Variants in CEP128 observed in about 807,000 individuals in gnomAD.
The protein encoded by CEP128 is centrosomal protein 128.
CEP128 carries 132 observed loss-of-function variants against 156.7 expected under a neutral mutation model. That is an observed-to-expected ratio of 0.84 (90% confidence interval 0.73 to 0.97). The LOEUF (loss-of-function observed/expected upper bound fraction) is 0.97, where lower values mean the gene tolerates loss of function less well. CEP128 is among the 50% of genes least tolerant of loss of function. CEP128 has a pLI of 0.00. For synonymous variants in CEP128, 469 were observed against 448.9 expected (o/e 1.04, Z -0.57); for missense variants, 1,252 against 1,281.9 (o/e 0.98, Z 0.36).
At position 80,801,047 on chromosome 14, in the gene CEP128, G is replaced by A. The variant is rs116996359; in HGVS notation, c.1210-7937C>T. On this transcript the variant is annotated intron_variant, in intron 13 of 24. Coordinates refer to ENST00000555265, the MANE Select transcript of CEP128 (RefSeq NM_152446.5). Reference sequence around the variant, plus strand: ...ATATGGGCAACAGATTTCACCACTGGTGGCTGATTATGACAAGTAATAGCT... The same window carrying A: ...ATATGGGCAACAGATTTCACCACTGATGGCTGATTATGACAAGTAATAGCT... 5.9e-5 allele frequency among the ~76,000 whole-genome samples: 9 copies of A among 152,266 alleles called. No individual in the cohort carries two copies. In the South Asian group the frequency reaches 1.9e-3, roughly 32 times the overall value.
intron 13 of CEP128, among the ~76,000 whole-genome samples, chr14:80,818,949 G>A (rs1047597607): frequency 2.0e-5 from 3 of 152,154 alleles, no homozygotes; most frequent in African/African-American, 7.2e-5. Flanking sequence ...GAATGGAAGA[G>A]CCCCAGGCCT....
At chr14:80,741,271 A>G (rs1033393776) in intron 19 of CEP128, among the ~76,000 whole-genome samples, 1 of 152,180 alleles carries the variant, frequency 6.6e-6, no homozygotes, top group Admixed American at 6.5e-5. Flanking sequence ...AATTCTTTGC[A>G]ATTTCCACAT....
rs1566729623 is a variant in CEP128, at chr14:80,941,708, C to T, written c.-299G>A. 1 of 152,888 alleles carries T rather than the reference C, an allele frequency of 6.5e-6. No homozygotes were observed. Among genetic ancestry groups the T allele is most frequent in the Admixed American group, 6.5e-5 (1 of 15,286 alleles). The allele number at this position is 152,888 out of a possible 1,614,324, so 9.5% of individuals were successfully genotyped here. ...GCAGCGACTCAACCGACTGTGCTCTCCCCAGACTCGCAGCTATGGCAACTT... is the reference window on the plus strand; with the variant it reads ...GCAGCGACTCAACCGACTGTGCTCTTCCCAGACTCGCAGCTATGGCAACTT... On this transcript the variant is annotated 5_prime_UTR_variant, in exon 1 of 25. Transcript: ENST00000555265.
chr14:80,612,076 T>C (rs1001652357), intron 19 of CEP128, among the ~76,000 whole-genome samples: 12 of 151,752 alleles, frequency 7.9e-5, no homozygotes, highest in South Asian at 2.1e-4. Context: ...AAAAAATAAA[T>C]AAATAAAAAC....
chr14:80,517,566 T>C (rs559930615), intron 23 of CEP128, among the ~76,000 whole-genome samples: 9 of 152,378 alleles, frequency 5.9e-5, no homozygotes, highest in Admixed American at 5.9e-4. Flanking sequence ...TCTAATTTCA[T>C]TCTGTTGTGG....
At chr14:80,869,645 C>T (rs545870307) in intron 8 of CEP128, among the ~76,000 whole-genome samples, 1 of 151,972 alleles carries the variant, frequency 6.6e-6, no homozygotes, top group East Asian at 1.9e-4. Context: ...TAGAAAAGAT[C>T]CATGAAACTA....
chr14:80,832,988 G>C (rs1281058510), intron 12 of CEP128, among the ~76,000 whole-genome samples: 1 of 152,100 alleles, frequency 6.6e-6, no homozygotes, highest in Non-Finnish European at 1.5e-5. Context: ...AAGTAGCCTA[G>C]ACATTGCATA....
rs545523321 is a variant in CEP128 at position 80,798,015 on chromosome 14, A to G, written c.1210-4905T>C. 6.3e-4 allele frequency among the ~76,000 whole-genome samples: 96 copies of G among 152,292 alleles called. 1 individual carries two copies. The highest frequency in any genetic ancestry group is 3.4e-3 in the Middle Eastern group (1 of 294). On this transcript the variant is annotated intron_variant, in intron 13 of 24. Coordinates refer to ENST00000555265, the MANE Select transcript of CEP128 (RefSeq NM_152446.5). ...CTCAGCCACTAAAGCAGAATGGTTA[A>G]ATTTCATATCACTTAATTAAGTCCA...
chr14:80,736,411 T>C lies in CEP128; in HGVS notation c.2806+6664A>G, dbSNP rs369307778. Reference sequence around the variant, plus strand: ...GATTCAAGTTTAAGGAAGAACAGCTTTGCTACACAAATAATCTATAAAGTG... The same window carrying C: ...GATTCAAGTTTAAGGAAGAACAGCTCTGCTACACAAATAATCTATAAAGTG... On this transcript the variant is annotated intron_variant, in intron 19 of 24. Coordinates refer to ENST00000555265, the MANE Select transcript of CEP128 (RefSeq NM_152446.5). 2.0e-5 allele frequency among the ~76,000 whole-genome samples: 3 copies of C among 152,262 alleles called. No homozygotes were observed. The East Asian group carries it at 5.8e-4, about 29-fold the overall frequency.
intron 19 of CEP128, among the ~76,000 whole-genome samples, chr14:80,603,229 T>C (rs777616887): frequency 4.6e-5 from 7 of 152,182 alleles, no homozygotes; most frequent in Non-Finnish European, 8.8e-5. Flanking sequence ...AAATGATGAA[T>C]AGATAAACAA....
intron 13 of CEP128, among the ~76,000 whole-genome samples, chr14:80,807,829 GAC>G (rs1566640544): frequency 6.6e-6 from 1 of 152,046 alleles, no homozygotes; most frequent in Admixed American, 6.5e-5. Flanking sequence ...GCCCTGGAAC[GAC>G]AGTCCCAACA....
intron 19 of CEP128, among the ~76,000 whole-genome samples, chr14:80,598,541 C>G (rs1451125530): frequency 6.6e-6 from 1 of 152,148 alleles, no homozygotes; most frequent in Non-Finnish European, 1.5e-5. Context: ...GACGTCAGTT[C>G]TCTCCAAACT....
intron 19 of CEP128, among the ~76,000 whole-genome samples, chr14:80,690,589 T>C (rs1896688898): frequency 6.6e-6 from 1 of 152,262 alleles, no homozygotes; most frequent in South Asian, 2.1e-4. Flanking sequence ...CATCATGCCA[T>C]ACAGCTGTGT....
At chr14:80,591,990 G>T (rs977883024) in intron 19 of CEP128, among the ~76,000 whole-genome samples, 4 of 152,144 alleles carry the variant, frequency 2.6e-5, no homozygotes, top group African/African-American at 9.7e-5. Flanking sequence ...CAGAATCTCT[G>T]GGACACAGAT....
chr14:80,820,561 G>A (rs1283337456), intron 13 of CEP128, among the ~76,000 whole-genome samples: 2 of 152,176 alleles, frequency 1.3e-5, no homozygotes, highest in African/African-American at 4.8e-5. Context: ...GGGCCTTTAA[G>A]CTCTGCTTAT....
At chr14:80,582,978 G>A (rs1269299138) in intron 19 of CEP128, among the ~76,000 whole-genome samples, 1 of 152,116 alleles carries the variant, frequency 6.6e-6, no homozygotes, top group African/African-American at 2.4e-5. Context: ...AACTTAGTAT[G>A]GCAAGTCCAA....
chr14:80,723,106 A>G (rs1413544210), intron 19 of CEP128, among the ~76,000 whole-genome samples: 2 of 152,078 alleles, frequency 1.3e-5, no homozygotes, highest in Non-Finnish European at 2.9e-5. Flanking sequence ...TATTACAGCC[A>G]TGAGCCACCG....
chr14:80,493,239 G>A (rs944172422), downstream of CEP128, among the ~76,000 whole-genome samples: 3 of 152,132 alleles, frequency 2.0e-5, no homozygotes, highest in Non-Finnish European at 4.4e-5. Context: ...ATGGCAATTG[G>A]CAATTGTGTA....
intron 24 of CEP128, 90 bp downstream of exon 24, chr14:80,504,822 A>G: frequency 2.1e-6 from 1 of 487,078 alleles, no homozygotes; most frequent in Non-Finnish European, 3.7e-6. Context: ...TATGAATATT[A>G]CTATCATATA....
Sources: gnomAD v4.1 joint callset for allele counts (sites outside exome capture counted in the v4.1 genomes callset) on GRCh38, gnomAD v4.1.1 for gene constraint, MANE v1.5 for transcripts, NCBI Gene and HGNC (gene_info 2026-07-23, HGNC 2026-07-21) for gene names.